The following SHANK2 variants were observed in gnomAD, a reference collection of about 807,000 sequenced individuals.
SHANK2 encodes the protein SH3 and multiple ankyrin repeat domains 2.
SHANK2 carries 43 observed loss-of-function variants against 133.7 expected under a neutral mutation model. The ratio of observed to expected loss-of-function variants is 0.32; its 90% CI spans 0.25 to 0.41. SHANK2 has a LOEUF of 0.41. SHANK2 is among the 10% of genes least tolerant of loss of function. The pLI is 1.00. For missense variants in SHANK2, 1,994 were observed against 2,235.8 expected, an observed-to-expected ratio of 0.89 and a Z score of 2.18; for synonymous variants, 1,017 against 952.8, an observed-to-expected ratio of 1.07 and a Z score of -1.24.
chr11:70,832,454 G>T (rs899674857), intron 11 of SHANK2, among the ~76,000 whole-genome samples: 1 of 152,208 alleles, frequency 6.6e-6, no homozygotes, highest in Non-Finnish European at 1.5e-5. Flanking sequence ...AGCCCTTGGG[G>T]CATGTTGTGG....
chr11:71,073,141 TC>T (rs1951165713), intron 9 of SHANK2, among the ~76,000 whole-genome samples: 9 of 92,582 alleles, frequency 9.7e-5, no homozygotes, highest in African/African-American at 2.2e-4. Flanking sequence ...TTTTTCTTTT[TC>T]TTTTCTTTTT....
At chr11:70,681,738 C>A (rs575502117) in intron 15 of SHANK2, among the ~76,000 whole-genome samples, 29 of 152,240 alleles carry the variant, frequency 1.9e-4, no homozygotes, top group African/African-American at 7.0e-4. Context: ...AAGCCCAGTA[C>A]CTAATGGAGT....
At chr11:70,762,821 C>A (rs1390203309) in intron 14 of SHANK2, among the ~76,000 whole-genome samples, 2 of 152,208 alleles carry the variant, frequency 1.3e-5, no homozygotes, top group Admixed American at 6.5e-5. Context: ...GAAATGTGTG[C>A]CCTCATTTCA....
chr11:70,774,459 A>G (rs961834327), intron 14 of SHANK2, among the ~76,000 whole-genome samples: 1 of 152,128 alleles, frequency 6.6e-6, no homozygotes, highest in East Asian at 1.9e-4. Flanking sequence ...AGCTGGGACT[A>G]CAGGTGCATA....
At chr11:70,865,764 A>G (rs1949347227) in intron 11 of SHANK2, among the ~76,000 whole-genome samples, 1 of 152,176 alleles carries the variant, frequency 6.6e-6, no homozygotes, top group African/African-American at 2.4e-5. Context: ...TGTCTCTCAA[A>G]ATGAGCCTCA....
chr11:70,635,244 T>C (rs541941176), intron 17 of SHANK2: 2 of 152,232 alleles, frequency 1.3e-5, no homozygotes, highest in South Asian at 2.1e-4. Context: ...TGAAGAGATA[T>C]CTGCACACCC....
chr11:70,763,259 TGCCACGTGCAGCA>T (rs1947032175), intron 14 of SHANK2, among the ~76,000 whole-genome samples: 1 of 152,182 alleles, frequency 6.6e-6, no homozygotes, highest in African/African-American at 2.4e-5. Flanking sequence ...ATGAAGCACC[TGCCACGTGCAGCA>T]GCCACGTACA....
chr11:70,865,339 T>C (rs1450314078), intron 11 of SHANK2, among the ~76,000 whole-genome samples: 1 of 151,760 alleles, frequency 6.6e-6, no homozygotes, highest in Non-Finnish European at 1.5e-5. Flanking sequence ...GCAAAGATGC[T>C]GCAGAACTAG....
intron 6 of SHANK2, among the ~76,000 whole-genome samples, chr11:71,105,854 A>G (rs1272730179): frequency 6.6e-6 from 1 of 152,150 alleles, no homozygotes; most frequent in Non-Finnish European, 1.5e-5. Flanking sequence ...TACTGGGTAC[A>G]GCACCAAGCA....
At chr11:71,099,219 G>C (rs1555096195) in intron 6 of SHANK2, among the ~76,000 whole-genome samples, 2 of 151,838 alleles carry the variant, frequency 1.3e-5, no homozygotes, top group South Asian at 4.2e-4. Flanking sequence ...GGAATGTCAT[G>C]TGGGAACCCG....
At chr11:71,165,037 ATT>A (rs571925889) in intron 2 of SHANK2, among the ~76,000 whole-genome samples, 4 of 143,052 alleles carry the variant, frequency 2.8e-5, no homozygotes, top group Non-Finnish European at 4.6e-5. Context: ...TCTTGTCTTC[ATT>A]TTTTTTTTTT....
chr11:70,747,254 C>T (rs1266412792), intron 14 of SHANK2, among the ~76,000 whole-genome samples: 4 of 152,052 alleles, frequency 2.6e-5, no homozygotes, highest in East Asian at 3.9e-4. Context: ...AGGTGGCAGG[C>T]GGGGAGGTGG....
intron 2 of SHANK2, among the ~76,000 whole-genome samples, chr11:71,221,900 T>C (rs1954548761): frequency 6.6e-6 from 1 of 152,040 alleles, no homozygotes; most frequent in South Asian, 2.1e-4. Flanking sequence ...TCATGATCAA[T>C]GAATGGGGGT....
chr11:70,522,267 C>T (rs1466947922), intron 17 of SHANK2, among the ~76,000 whole-genome samples: 2 of 152,216 alleles, frequency 1.3e-5, no homozygotes, highest in East Asian at 1.9e-4. Flanking sequence ...TATCCTGCTG[C>T]GTGCATGGCT....
intron 17 of SHANK2, among the ~76,000 whole-genome samples, chr11:70,554,521 A>G (rs936971734): frequency 1.3e-5 from 2 of 150,206 alleles, no homozygotes; most frequent in Non-Finnish European, 3.0e-5. Flanking sequence ...CACTGCACAG[A>G]AAGTTCAGAG....
intron 11 of SHANK2, among the ~76,000 whole-genome samples, chr11:70,862,178 AGGTGCCAGCTCCCC>A (rs1949270055): frequency 6.6e-6 from 1 of 152,214 alleles, no homozygotes; most frequent in Admixed American, 6.5e-5. Flanking sequence ...CCCAGTGCCC[AGGTGCCAGCTCCCC>A]GAACACAGCC....
intron 14 of SHANK2, among the ~76,000 whole-genome samples, chr11:70,752,441 G>A (rs181233321): frequency 1.7e-4 from 26 of 152,252 alleles, no homozygotes; most frequent in East Asian, 7.7e-4. Flanking sequence ...CAATTCGGCC[G>A]GGCGCGGTGG....
At chr11:70,714,990 G>A (rs1555026965) in intron 14 of SHANK2, among the ~76,000 whole-genome samples, 1 of 148,946 alleles carries the variant, frequency 6.7e-6, no homozygotes, top group South Asian at 2.1e-4. Context: ...TTTACTTTCT[G>A]TAGAGATGAG....
intron 14 of SHANK2, among the ~76,000 whole-genome samples, chr11:70,758,882 C>T (rs58372964): frequency 0.02 from 3,076 of 152,304 alleles, 134 homozygotes; most frequent in African/African-American, 0.071. Flanking sequence ...GAGTTCTGGC[C>T]GGGCGCGGTG....
Sources: gnomAD v4.1 joint callset for allele counts (sites outside exome capture counted in the v4.1 genomes callset) on GRCh38, gnomAD v4.1.1 for gene constraint, MANE v1.5 for transcripts, NCBI Gene and HGNC (gene_info 2026-07-23, HGNC 2026-07-21) for gene names.